GALNT18: variants seen among roughly 807,000 people sequenced by gnomAD.
GALNT18 encodes polypeptide N-acetylgalactosaminyltransferase 18.
Under a neutral mutation model 69.5 loss-of-function variants are expected in GALNT18, and 44 were observed. The ratio of observed to expected loss-of-function variants is 0.63; its 90% CI spans 0.50 to 0.81. The LOEUF (loss-of-function observed/expected upper bound fraction) is 0.81, where lower values mean the gene tolerates loss of function less well. Ranked by LOEUF, GALNT18 falls within the 40% of genes least tolerant of loss-of-function variation. The probability of loss-of-function intolerance (pLI) is 0.00; values close to 1 mark genes in which losing one functional copy is unlikely to be tolerated. For missense variants in GALNT18, 715 were observed against 810.0 expected (o/e 0.88, Z 1.42); for synonymous variants, 364 against 318.2 (o/e 1.14, Z -1.53).
chr11:11,377,051 T>C lies in GALNT18; in HGVS notation c.977+131A>G, dbSNP rs1253010466. 1 of 748,348 alleles carries C rather than the reference T, an allele frequency of 1.3e-6. No individual in the cohort carries two copies. Among genetic ancestry groups the C allele is most frequent in the Non-Finnish European group, 2.2e-6 (1 of 451,204 alleles). The allele number at this position is 748,348 out of a possible 1,614,324, so 46.4% of individuals were successfully genotyped here. On this transcript the variant is annotated intron_variant, in intron 5 of 10. Transcript: ENST00000227756. The surrounding 1 kb of genome is among the most constrained non-coding windows in gnomAD (Gnocchi z 4.6). Reference sequence around the variant, plus strand: ...GCAGTGACTGAAGATCAGACTGCAGTTCCTTTCGACCCTGCCCACCCCTGT... The same window carrying C: ...GCAGTGACTGAAGATCAGACTGCAGCTCCTTTCGACCCTGCCCACCCCTGT...
rs1850540184 is a variant in GALNT18 at position 11,356,923 on chromosome 11, CG to C, written c.1092+15591del. On this transcript the variant is annotated intron_variant, in intron 6 of 10. Transcript: ENST00000227756. The surrounding 1 kb of genome is among the most constrained non-coding windows in gnomAD (Gnocchi z 4.4). The stretch of plus-strand genomic sequence containing the variant: ...ACTTTTACAACGTACTTTTAAACTG[CG>C]TCTACTCAGCTGCTGGTTTGTAATT... Among the ~76,000 whole-genome samples the C allele has an allele frequency of 1.3e-5, 2 of 152,140 alleles. No individual in the cohort carries two copies. The highest frequency in any genetic ancestry group is 4.1e-4 in the South Asian group (2 of 4,822).
At chr11:11,299,289 C>T (rs1211114491) in intron 9 of GALNT18, among the ~76,000 whole-genome samples, 2 of 152,120 alleles carry the variant, frequency 1.3e-5, no homozygotes, top group South Asian at 2.1e-4. Context: ...GGATTACAGG[C>T]GTATACTACC....
chr11:11,377,170 G>C lies in GALNT18; in HGVS notation c.977+12C>G. On this transcript the variant is annotated intron_variant, in intron 5 of 10. Coordinates refer to ENST00000227756, the MANE Select transcript of GALNT18 (RefSeq NM_198516.3). This position sits in a 1 kb window ranked among gnomAD's most constrained non-coding sequence, Gnocchi z 4.6. ...CAAAGCGGAGAGACCCACAGGTAAA[G>C]GTTTGCTTTACCTGATTGGCGCTGT... is the stretch of plus-strand genomic sequence containing the variant. The C allele has an allele frequency of 1.2e-6, 2 of 1,611,886 alleles. No individual in the cohort carries two copies. The highest frequency in any genetic ancestry group is 1.7e-6 in the Non-Finnish European group (2 of 1,179,508).
chr11:11,494,598 C>T lies in GALNT18; in HGVS notation c.236-45662G>A, dbSNP rs1856834589. On this transcript the variant is annotated intron_variant, in intron 1 of 10. Transcript: ENST00000227756. The surrounding 1 kb of genome is among the most constrained non-coding windows in gnomAD (Gnocchi z 5.7). ...TCATGCCTCACAATTCACTGCAGCT[C>T]CCCTTCTTTCCACCGCTATCTGCCA... Among the ~76,000 whole-genome samples the T allele has an allele frequency of 6.6e-6, 1 of 152,180 alleles. No homozygotes were observed. Among genetic ancestry groups the T allele is most frequent in the African/African-American group, 2.4e-5 (1 of 41,432 alleles).
At chr11:11,288,481 C>T (rs902961811) in intron 10 of GALNT18, among the ~76,000 whole-genome samples, 4 of 152,170 alleles carry the variant, frequency 2.6e-5, no homozygotes, top group Non-Finnish European at 4.4e-5. Context: ...GCACACCCCT[C>T]GGTTTCTGTT....
chr11:11,457,028 G>A (rs143362919), intron 1 of GALNT18, among the ~76,000 whole-genome samples: 102 of 152,324 alleles, frequency 6.7e-4, no homozygotes, highest in Non-Finnish European at 1.2e-3. Flanking sequence ...GTTGTGCATG[G>A]GCTAATTGGC....
At chr11:11,450,969 T>C (rs1012946911) in intron 1 of GALNT18, among the ~76,000 whole-genome samples, 2 of 152,058 alleles carry the variant, frequency 1.3e-5, no homozygotes, top group African/African-American at 4.8e-5. Context: ...GCTGCTAAAG[T>C]ACGTGAAGTA....
intron 1 of GALNT18, among the ~76,000 whole-genome samples, chr11:11,479,246 A>G (rs886494699): frequency 6.6e-6 from 1 of 152,218 alleles, no homozygotes; most frequent in African/African-American, 2.4e-5. Flanking sequence ...TAAAGTTTAC[A>G]TCATGGAAGT....
chr11:11,591,127 T>A lies in GALNT18; in HGVS notation c.235+30232A>T, dbSNP rs1216559502. On this transcript the variant is annotated intron_variant, in intron 1 of 10. Transcript: ENST00000227756. The surrounding 1 kb of genome is among the most constrained non-coding windows in gnomAD (Gnocchi z 4.8). ...GATGTGGAGGTGGAAGACAGTGACATTGATGATGCTGACTCTGTAGGCCTA... is the reference window on the plus strand; with the variant it reads ...GATGTGGAGGTGGAAGACAGTGACAATGATGATGCTGACTCTGTAGGCCTA... Among the ~76,000 whole-genome samples, 1 of 151,388 alleles carries A rather than the reference T, an allele frequency of 6.6e-6. No individual in the cohort carries two copies. The highest frequency in any genetic ancestry group is 1.5e-5 in the Non-Finnish European group (1 of 67,890).
rs1848829559 is a variant in GALNT18, at chr11:11,271,604, G to GGGGCTGGGTCTTGCTCCCCATAGCCAT, written c.1678-315_1678-314insATGGCTATGGGGAGCAAGACCCAGCCC. Among the ~76,000 whole-genome samples the GGGGCTGGGTCTTGCTCCCCATAGCCAT allele has an allele frequency of 4.9e-5, 3 of 60,612 alleles. No homozygotes were observed. The South Asian group carries it at 1.6e-3, about 32-fold the overall frequency. 39.8% of individuals were successfully genotyped at this position (60,612 alleles called of 152,430 possible). The stretch of plus-strand genomic sequence containing the variant: ...GTTTGCACCTACAGCTCCTACCCCA[G>GGGGCTGGGTCTTGCTCCCCATAGCCAT]GGGCTGGGTCCTTTCTCTGAAAAGC... On this transcript the variant is annotated intron_variant, in intron 10 of 10. Coordinates refer to ENST00000227756, the MANE Select transcript of GALNT18 (RefSeq NM_198516.3).
At position 11,320,484 on chromosome 11, in the gene GALNT18, G is replaced by A. The variant is rs1202018963; in HGVS notation, c.1512+6602C>T. ...GGGGGTGACATCCCTGGAAATGCAT[G>A]TTGAATGTTTGATTTGGACCAAGTC... On this transcript the variant is annotated intron_variant, in intron 9 of 10. Coordinates refer to ENST00000227756, the MANE Select transcript of GALNT18 (RefSeq NM_198516.3). This position sits in a 1 kb window ranked among gnomAD's most constrained non-coding sequence, Gnocchi z 4.9. 6.6e-6 allele frequency among the ~76,000 whole-genome samples: 1 copy of A among 152,204 alleles called. No individual in the cohort carries two copies. The highest frequency in any genetic ancestry group is 1.5e-5 in the Non-Finnish European group (1 of 68,034).
intron 3 of GALNT18, among the ~76,000 whole-genome samples, chr11:11,416,080 G>A (rs1854850221): frequency 6.6e-6 from 1 of 152,216 alleles, no homozygotes; most frequent in Admixed American, 6.5e-5. Context: ...TAAGCCAAAT[G>A]AAATTTGACA....
intron 3 of GALNT18, among the ~76,000 whole-genome samples, chr11:11,386,177 GTA>G (rs1372031130): frequency 6.6e-6 from 1 of 152,188 alleles, no homozygotes; most frequent in African/African-American, 2.4e-5. Flanking sequence ...TAGGAAATGA[GTA>G]TAACCCAGCT....
chr11:11,293,533 CT>C lies in GALNT18; in HGVS notation c.1513-341del, dbSNP rs34166465. Among the ~76,000 whole-genome samples, 305 of 80,192 alleles carry C rather than the reference CT, an allele frequency of 3.8e-3. 2 individuals are homozygous for C. Among genetic ancestry groups the C allele is most frequent in the African/African-American group, 0.012 (242 of 19,986 alleles). 52.6% of individuals were successfully genotyped at this position (80,192 alleles called of 152,430 possible). A position where few individuals can be genotyped will look rare whatever the true frequency, so the allele number is the denominator to read the frequency against. ...TTCTTCACCCAGTTTACAAACCCCT[CT>C]TTTTTTTTTTTTTTTTTTTTTTTGG... On this transcript the variant is annotated intron_variant, in intron 9 of 10. Coordinates refer to ENST00000227756, the MANE Select transcript of GALNT18 (RefSeq NM_198516.3).
intron 1 of GALNT18, among the ~76,000 whole-genome samples, chr11:11,484,414 G>A (rs755990502): frequency 3.9e-5 from 6 of 151,978 alleles, no homozygotes; most frequent in Admixed American, 3.9e-4. Flanking sequence ...CCAACATGGA[G>A]AAACCCCCAC....
intron 6 of GALNT18, among the ~76,000 whole-genome samples, chr11:11,355,805 C>A (rs1589933222): frequency 6.6e-6 from 1 of 152,222 alleles, no homozygotes; most frequent in Admixed American, 6.5e-5. Context: ...ACAGAGCACC[C>A]CACCATTCAG....
chr11:11,489,465 G>A (rs188487595), intron 1 of GALNT18, among the ~76,000 whole-genome samples: 37 of 152,286 alleles, frequency 2.4e-4, no homozygotes, highest in Admixed American at 1.8e-3. Context: ...GGAGGAAAAT[G>A]CCCACCTGTG....
At position 11,592,788 on chromosome 11, in the gene GALNT18, A is replaced by G. The variant is rs543412748; in HGVS notation, c.235+28571T>C. On this transcript the variant is annotated intron_variant, in intron 1 of 10. Transcript: ENST00000227756. The surrounding 1 kb of genome is among the most constrained non-coding windows in gnomAD (Gnocchi z 5.9). Reference sequence around the variant, plus strand: ...CTGAAAATTTTTTGACATATCTTCAAAGTATAAAGAGAAGGCAAGATATTC... The same window carrying G: ...CTGAAAATTTTTTGACATATCTTCAGAGTATAAAGAGAAGGCAAGATATTC... Among the ~76,000 whole-genome samples the G allele has an allele frequency of 2.6e-5, 4 of 152,308 alleles. No homozygotes were observed. Among genetic ancestry groups the G allele is most frequent in the African/African-American group, 7.2e-5 (3 of 41,564 alleles).
rs532706074 is a variant in GALNT18 at position 11,432,212 on chromosome 11, C to T, written c.595+409G>A. 1.4e-4 allele frequency among the ~76,000 whole-genome samples: 21 copies of T among 152,336 alleles called. No homozygotes were observed. Among genetic ancestry groups the T allele is most frequent in the African/African-American group, 5.1e-4 (21 of 41,562 alleles). On this transcript the variant is annotated intron_variant, in intron 3 of 10. Coordinates refer to ENST00000227756, the MANE Select transcript of GALNT18 (RefSeq NM_198516.3). The surrounding 1 kb of genome is among the most constrained non-coding windows in gnomAD (Gnocchi z 5.8). ...TCCATCACCACCAGCACCATCATCA[C>T]CACTGCCACTGCTAACATAACACCA...
Sources: allele counts gnomAD v4.1 joint callset (sites outside exome capture counted in the v4.1 genomes callset), GRCh38; gene constraint gnomAD v4.1.1; non-coding constraint Gnocchi (gnomAD v3.1); transcripts MANE v1.5; gene names NCBI Gene and HGNC (gene_info 2026-07-23, HGNC 2026-07-21).